CTNND2: variants seen among roughly 807,000 people sequenced by gnomAD.
CTNND2 encodes the protein catenin delta-2.
In CTNND2, 22 loss-of-function variants were observed where a neutral mutation model predicts 144.4. The observed-to-expected ratio is 0.15, with a 90% CI of 0.11 to 0.22. CTNND2 has a LOEUF of 0.22. Among genes scored for constraint, CTNND2 ranks in the 10% least tolerant of loss-of-function variants. The pLI is 1.00. For missense variants in CTNND2, 1,353 were observed against 1,618.8 expected (o/e 0.84, Z 2.82); for synonymous variants, 751 against 695.6 (o/e 1.08, Z -1.25).
At chr5:11,046,931 G>A (rs1022517899) in intron 16 of CTNND2, among the ~76,000 whole-genome samples, 7 of 152,194 alleles carry the variant, frequency 4.6e-5, no homozygotes, top group Non-Finnish European at 1.0e-4. Flanking sequence ...GCAAGCTCAA[G>A]ACCAATTTCT....
chr5:11,891,077 A>T (rs1181689623), intron 1 of CTNND2, among the ~76,000 whole-genome samples: 1 of 152,198 alleles, frequency 6.6e-6, no homozygotes, highest in East Asian at 1.9e-4. Flanking sequence ...CTTAACACTG[A>T]AGGTGACAAG....
intron 3 of CTNND2, among the ~76,000 whole-genome samples, chr5:11,457,370 A>G (rs981060452): frequency 1.1e-4 from 16 of 152,176 alleles, no homozygotes; most frequent in African/African-American, 3.9e-4. Context: ...TAGAATTGCT[A>G]TATATATCAG....
intron 9 of CTNND2, among the ~76,000 whole-genome samples, chr5:11,246,575 T>C (rs1185331429): frequency 6.6e-6 from 1 of 151,912 alleles, no homozygotes; most frequent in African/African-American, 2.4e-5. Context: ...CACCATGATT[T>C]TGGTCTGGCA....
At chr5:11,443,186 GGTGT>G (rs576435236) in intron 3 of CTNND2, among the ~76,000 whole-genome samples, 9 of 148,096 alleles carry the variant, frequency 6.1e-5, no homozygotes, top group African/African-American at 1.5e-4. Flanking sequence ...TGTGGTGTGT[GGTGT>G]GTGTGTGTGT....
intron 9 of CTNND2, among the ~76,000 whole-genome samples, chr5:11,241,030 C>T (rs537142991): frequency 6.1e-5 from 9 of 147,280 alleles, no homozygotes; most frequent in African/African-American, 2.0e-4. Flanking sequence ...ACACACACAC[C>T]CACCCCAACA....
rs1580151769 is a variant in CTNND2 at position 11,053,459 on chromosome 5, A to G, written c.2788+29237T>C. On this transcript the variant is annotated intron_variant, in intron 16 of 21. Transcript: ENST00000304623. ...AAAGGATTTGCTGAAAAATATATTAATACATTTTCCCTGAGATTTTTCATG... is the reference window on the plus strand; with the variant it reads ...AAAGGATTTGCTGAAAAATATATTAGTACATTTTCCCTGAGATTTTTCATG... Among the ~76,000 whole-genome samples, 3 of 152,240 alleles carry G rather than the reference A, an allele frequency of 2.0e-5. No individual in the cohort carries two copies. In the South Asian group the frequency reaches 6.2e-4, roughly 32 times the overall value.
At chr5:11,135,275 T>G (rs1392787775) in intron 12 of CTNND2, among the ~76,000 whole-genome samples, 5 of 152,124 alleles carry the variant, frequency 3.3e-5, no homozygotes, top group African/African-American at 9.7e-5. Context: ...TGGGGGAAAA[T>G]GTCAAGGCAA....
At chr5:11,784,286 G>A (rs1392855483) in intron 1 of CTNND2, among the ~76,000 whole-genome samples, 2 of 152,290 alleles carry the variant, frequency 1.3e-5, no homozygotes, top group East Asian at 1.9e-4. Flanking sequence ...AAAAGGTAAC[G>A]TTTTAAATTC....
chr5:11,075,687 G>A (rs567215785), intron 16 of CTNND2, among the ~76,000 whole-genome samples: 1 of 152,262 alleles, frequency 6.6e-6, no homozygotes, highest in African/African-American at 2.4e-5. Flanking sequence ...GCCAGTACCC[G>A]CAGGGATGCG....
At chr5:11,122,872 G>C (rs1754285242) in intron 12 of CTNND2, among the ~76,000 whole-genome samples, 1 of 152,024 alleles carries the variant, frequency 6.6e-6, no homozygotes, top group Non-Finnish European at 1.5e-5. Flanking sequence ...AGGCCGGGGA[G>C]GCAGAAGACA....
intron 2 of CTNND2, among the ~76,000 whole-genome samples, chr5:11,688,806 G>A (rs554015373): frequency 1.4e-4 from 22 of 152,230 alleles, no homozygotes; most frequent in Non-Finnish European, 2.1e-4. Flanking sequence ...GCAGCACAGC[G>A]AGCTGAAGCA....
At chr5:11,698,288 ATTT>A (rs34917192) in intron 2 of CTNND2, among the ~76,000 whole-genome samples, 3 of 140,498 alleles carry the variant, frequency 2.1e-5, no homozygotes, top group Non-Finnish European at 1.5e-5. Flanking sequence ...ACACATTATT[ATTT>A]TTTTTTTTTT....
chr5:11,554,797 G>A (rs1377002297), intron 3 of CTNND2, among the ~76,000 whole-genome samples: 9 of 151,780 alleles, frequency 5.9e-5, no homozygotes, highest in Admixed American at 5.9e-4. Context: ...AAGATACCAC[G>A]TTAACAAGTA....
intron 2 of CTNND2, chr5:11,589,066 T>C: frequency 3.9e-5 from 38 of 982,722 alleles, no homozygotes; most frequent in Non-Finnish European, 4.6e-5. Context: ...ACAAGCCCAG[T>C]GGTTGCTGTC....
At chr5:11,543,352 G>C (rs1774930660) in intron 3 of CTNND2, among the ~76,000 whole-genome samples, 1 of 152,174 alleles carries the variant, frequency 6.6e-6, no homozygotes, top group African/African-American at 2.4e-5. Context: ...ACCCTGCAAG[G>C]CTTCAGGGCG....
intron 2 of CTNND2, among the ~76,000 whole-genome samples, chr5:11,595,288 C>CA (rs1210112099): frequency 2.0e-5 from 3 of 152,164 alleles, no homozygotes; most frequent in African/African-American, 7.2e-5. Flanking sequence ...ACTGAAACCC[C>CA]AGTGCTGCCT....
chr5:11,012,243 T>A (rs1385276894), intron 18 of CTNND2, among the ~76,000 whole-genome samples: 2 of 148,992 alleles, frequency 1.3e-5, no homozygotes, highest in African/African-American at 2.5e-5. Flanking sequence ...AGGGAGGGGG[T>A]GGGATTGAGG....
chr5:11,816,118 G>A (rs763632339), intron 1 of CTNND2, among the ~76,000 whole-genome samples: 23 of 152,192 alleles, frequency 1.5e-4, no homozygotes, highest in Non-Finnish European at 2.9e-4. Context: ...GCACCTGGGG[G>A]CTGCCACTTG....
intron 1 of CTNND2, among the ~76,000 whole-genome samples, chr5:11,853,998 C>T (rs1306072381): frequency 6.6e-6 from 1 of 152,234 alleles, no homozygotes; most frequent in Non-Finnish European, 1.5e-5. Flanking sequence ...GATCACATCA[C>T]TTCTTGGCTC....
Sources: allele counts gnomAD v4.1 joint callset (sites outside exome capture counted in the v4.1 genomes callset), GRCh38; gene constraint gnomAD v4.1.1; transcripts MANE v1.5; gene names NCBI Gene and HGNC (gene_info 2026-07-23, HGNC 2026-07-21).